The following RBFOX1 variants were observed in gnomAD, a reference collection of about 807,000 sequenced individuals.
RBFOX1 encodes RNA binding protein fox-1 homolog 1.
A neutral mutation model predicts 57.7 loss-of-function variants in RBFOX1; 8 were observed. The observed-to-expected ratio is 0.14, with a 90% CI of 0.08 to 0.25. RBFOX1 has a LOEUF of 0.25. Among genes scored for constraint, RBFOX1 ranks in the 10% least tolerant of loss-of-function variants. The pLI is 1.00. For missense variants in RBFOX1, 611 were observed against 548.5 expected (o/e 1.11, Z -1.14); for synonymous variants, 326 against 222.4 (o/e 1.47, Z -4.15).
chr16:7,607,926 A>G (rs1233042775), intron 10 of RBFOX1, among the ~76,000 whole-genome samples: 6 of 152,084 alleles, frequency 3.9e-5, no homozygotes, highest in African/African-American at 1.2e-4. Flanking sequence ...CTAAGCACCA[A>G]TTACCTCTCA....
At chr16:7,680,579 A>T (rs1480765372) in intron 14 of RBFOX1, among the ~76,000 whole-genome samples, 1 of 152,122 alleles carries the variant, frequency 6.6e-6, no homozygotes, top group Non-Finnish European at 1.5e-5. Flanking sequence ...TTCCACATAA[A>T]ACATGCATTT....
chr16:7,070,499 T>C (rs1236602520), intron 4 of RBFOX1, among the ~76,000 whole-genome samples: 2 of 152,314 alleles, frequency 1.3e-5, no homozygotes, highest in African/African-American at 2.4e-5. Flanking sequence ...TTAATCTTGA[T>C]TGCATATGTG....
intron 2 of RBFOX1, among the ~76,000 whole-genome samples, chr16:6,464,141 A>T (rs1014289743): frequency 6.6e-6 from 1 of 152,216 alleles, no homozygotes; most frequent in African/African-American, 2.4e-5. Flanking sequence ...CTGCATGTAA[A>T]TGTTGGTATC....
intron 1 of RBFOX1, among the ~76,000 whole-genome samples, chr16:5,373,057 C>A (rs530022628): frequency 6.6e-6 from 1 of 152,214 alleles, no homozygotes; most frequent in African/African-American, 2.4e-5. Flanking sequence ...ATCACCTCTT[C>A]TCACTTCTGA....
At chr16:6,937,964 G>A (rs942576272) in intron 3 of RBFOX1, among the ~76,000 whole-genome samples, 28 of 108,934 alleles carry the variant, frequency 2.6e-4, no homozygotes, top group Non-Finnish European at 4.6e-4. Flanking sequence ...TGAGAGGAGA[G>A]GTCCATTTAG....
At chr16:5,730,137 C>G (rs911059266) in intron 3 of RBFOX1, among the ~76,000 whole-genome samples, 2 of 152,170 alleles carry the variant, frequency 1.3e-5, no homozygotes, top group African/African-American at 2.4e-5. Flanking sequence ...TTTTTGGTTT[C>G]TGGTCTTGGC....
intron 2 of RBFOX1, among the ~76,000 whole-genome samples, chr16:6,632,773 A>T (rs922254297): frequency 6.6e-6 from 1 of 152,218 alleles, no homozygotes; most frequent in Non-Finnish European, 1.5e-5. Flanking sequence ...TCAAAGAGTG[A>T]CTTAGGCTGA....
chr16:6,702,939 A>C lies in RBFOX1; in HGVS notation c.-16+48289A>C, dbSNP rs565585926. Reference sequence around the variant, plus strand: ...TAACTCCCCATTCTCATGTCCTCCCAGCCTCTGGCCACCAGCATTCTGCTT... The same window carrying C: ...TAACTCCCCATTCTCATGTCCTCCCCGCCTCTGGCCACCAGCATTCTGCTT... On this transcript the variant is annotated intron_variant, in intron 3 of 15. Transcript: ENST00000550418. 8.5e-5 allele frequency among the ~76,000 whole-genome samples: 13 copies of C among 152,304 alleles called. 1 individual carries two copies. Among genetic ancestry groups the C allele is most frequent in the Middle Eastern group, 3.4e-3 (1 of 294 alleles).
intron 3 of RBFOX1, among the ~76,000 whole-genome samples, chr16:6,723,247 T>C (rs975224587): frequency 6.6e-6 from 1 of 152,216 alleles, no homozygotes. Flanking sequence ...TGTGAGACTT[T>C]GGGCAAGCAG....
intron 4 of RBFOX1, among the ~76,000 whole-genome samples, chr16:5,956,346 A>C (rs1156446398): frequency 6.6e-6 from 1 of 152,102 alleles, no homozygotes; most frequent in African/African-American, 2.4e-5. Flanking sequence ...ACAATGAATA[A>C]ATTTTTAGTA....
intron 2 of RBFOX1, among the ~76,000 whole-genome samples, chr16:6,430,387 T>C (rs1597132222): frequency 6.6e-6 from 1 of 152,210 alleles, no homozygotes; most frequent in East Asian, 1.9e-4. Context: ...GAAAGGAAGT[T>C]TGGATTAATG....
intron 2 of RBFOX1, among the ~76,000 whole-genome samples, chr16:6,344,407 C>CTTTTTTCTTTTTT (rs1555635137): frequency 9.1e-6 from 1 of 109,846 alleles, no homozygotes; most frequent in African/African-American, 4.4e-5. Flanking sequence ...TCTTTTTTTT[C>CTTTTTTCTTTTTT]TTTTTTTTTT....
intron 1 of RBFOX1, among the ~76,000 whole-genome samples, chr16:5,374,583 C>T (rs2065939998): frequency 6.6e-6 from 1 of 152,028 alleles, no homozygotes; most frequent in Non-Finnish European, 1.5e-5. Context: ...CAGGGTCCGG[C>T]TAAGAGGGTT....
chr16:7,143,215 T>C (rs2074219446), intron 4 of RBFOX1, among the ~76,000 whole-genome samples: 1 of 152,086 alleles, frequency 6.6e-6, no homozygotes, highest in Non-Finnish European at 1.5e-5. Context: ...TTTTTTGTCA[T>C]TTTCTTTGTG....
At chr16:6,366,995 A>G (rs117083266) in intron 2 of RBFOX1, among the ~76,000 whole-genome samples, 1 of 152,250 alleles carries the variant, frequency 6.6e-6, no homozygotes, top group Non-Finnish European at 1.5e-5. Context: ...TTCTTGTTGA[A>G]ATCCTTGTCT....
At chr16:7,404,095 C>A (rs1259051627) in intron 4 of RBFOX1, among the ~76,000 whole-genome samples, 1 of 143,798 alleles carries the variant, frequency 7.0e-6, no homozygotes, top group African/African-American at 2.6e-5. Context: ...CTCTGTCACC[C>A]AGGCTAGAGT....
At chr16:6,162,757 G>A (rs1597937447) in intron 1 of RBFOX1, among the ~76,000 whole-genome samples, 1 of 151,844 alleles carries the variant, frequency 6.6e-6, no homozygotes, top group East Asian at 1.9e-4. Flanking sequence ...TGTTTGAGAT[G>A]GAGTCTTGCT....
At chr16:6,559,081 T>G (rs1054970312) in intron 2 of RBFOX1, among the ~76,000 whole-genome samples, 1 of 152,062 alleles carries the variant, frequency 6.6e-6, no homozygotes, top group Admixed American at 6.6e-5. Flanking sequence ...TCATAGTTCC[T>G]TGTACTTTTC....
chr16:6,955,087 A>G (rs1297377752), intron 3 of RBFOX1, among the ~76,000 whole-genome samples: 1 of 151,040 alleles, frequency 6.6e-6, no homozygotes, highest in Non-Finnish European at 1.5e-5. Context: ...AAAACACACA[A>G]AAAATTAGCT....
Sources: gnomAD v4.1 joint callset for allele counts (sites outside exome capture counted in the v4.1 genomes callset) on GRCh38, gnomAD v4.1.1 for gene constraint, MANE v1.5 for transcripts, NCBI Gene and HGNC (gene_info 2026-07-23, HGNC 2026-07-21) for gene names.